The following ONECUT3 variants were observed in gnomAD, a reference collection of about 807,000 sequenced individuals.
The protein encoded by ONECUT3 is one cut homeobox 3, also known as one cut domain family member 3.
A neutral mutation model predicts 16.8 loss-of-function variants in ONECUT3; 11 were observed. The observed-to-expected ratio is 0.66, with a 90% CI of 0.41 to 1.09. The LOEUF (loss-of-function observed/expected upper bound fraction) is 1.09, where lower values mean the gene tolerates loss of function less well. Ranked by LOEUF, ONECUT3 falls within the 50% of genes least tolerant of loss-of-function variation. The probability of loss-of-function intolerance (pLI) is 0.00; values close to 1 mark genes in which losing one functional copy is unlikely to be tolerated. For synonymous variants in ONECUT3, 344 were observed against 310.7 expected, an observed-to-expected ratio of 1.11 and a Z score of -1.13; for missense variants, 637 against 629.9, an observed-to-expected ratio of 1.01 and a Z score of -0.12.
intron 1 of ONECUT3, among the ~76,000 whole-genome samples, chr19:1,760,568 T>G (rs1272656030): frequency 2.0e-5 from 3 of 151,622 alleles, no homozygotes; most frequent in Non-Finnish European, 4.4e-5. Flanking sequence ...CTTCCCCCTG[T>G]GCCCCAGCTC....
chr19:1,757,408 T>C (rs2067922210), intron 1 of ONECUT3, among the ~76,000 whole-genome samples: 1 of 152,224 alleles, frequency 6.6e-6, no homozygotes, highest in Non-Finnish European at 1.5e-5. Flanking sequence ...AAGGGAGAGT[T>C]AGAACAGTCG....
chr19:1,765,949 TCAC>T (rs1032630193), intron 1 of ONECUT3, among the ~76,000 whole-genome samples: 1 of 152,174 alleles, frequency 6.6e-6, no homozygotes, highest in African/African-American at 2.4e-5. Context: ...CCTACAGCTC[TCAC>T]GTCTCACGTC....
Position 1,765,683 on chromosome 19 carries a change from G to A in ONECUT3, c.1193-9470G>A, listed in dbSNP as rs371064120. Among the ~76,000 whole-genome samples, 75 of 152,308 alleles carry A rather than the reference G, an allele frequency of 4.9e-4. 2 individuals carry two copies. Among genetic ancestry groups the A allele is most frequent in the African/African-American group, 1.6e-3 (65 of 41,568 alleles). ...ATTCCTTCGTGACTCTCGGGACTGC[G>A]GCCCGGTGGGGACACAGGGCTCTGG... is the stretch of plus-strand genomic sequence containing the variant. On this transcript the variant is annotated intron_variant, in intron 1 of 1. Transcript: ENST00000382349.
Position 1,758,210 on chromosome 19 carries a change from C to T in ONECUT3, c.1192+3356C>T, listed in dbSNP as rs1486487163. Among the ~76,000 whole-genome samples the T allele has an allele frequency of 1.3e-5, 2 of 150,068 alleles. No homozygotes were observed. Among genetic ancestry groups the T allele is most frequent in the Non-Finnish European group, 3.0e-5 (2 of 67,752 alleles). ...AACCAGAGAGTGGGGAGGGAGAGAC[C>T]GGGAGCGGGAGAAACAGACGGGGAG... On this transcript the variant is annotated intron_variant, in intron 1 of 1. Coordinates refer to ENST00000382349, the MANE Select transcript of ONECUT3 (RefSeq NM_001080488.2). This position sits in a 1 kb window ranked among gnomAD's most constrained non-coding sequence, Gnocchi z 5.9.
chr19:1,762,541 G>T lies in ONECUT3; in HGVS notation c.1192+7687G>T, dbSNP rs2067951711. 6.6e-6 allele frequency among the ~76,000 whole-genome samples: 1 copy of T among 152,366 alleles called. No homozygotes were observed. The highest frequency in any genetic ancestry group is 1.5e-5 in the Non-Finnish European group (1 of 68,032). The stretch of plus-strand genomic sequence containing the variant: ...TGCGGAGTCGGGCTGGGGCCGCCGC[G>T]TTGCGCACATCGGTCCTTGGCGGGT... On this transcript the variant is annotated intron_variant, in intron 1 of 1. Coordinates refer to ENST00000382349, the MANE Select transcript of ONECUT3 (RefSeq NM_001080488.2). The surrounding 1 kb of genome is among the most constrained non-coding windows in gnomAD (Gnocchi z 4.4).
chr19:1,768,965 GAGGTAA>G (rs2068023444), intron 1 of ONECUT3, among the ~76,000 whole-genome samples: 1 of 151,870 alleles, frequency 6.6e-6, no homozygotes, highest in Non-Finnish European at 1.5e-5. Context: ...GCTGGAGGTG[GAGGTAA>G]TGGAGGTGGA....
intron 1 of ONECUT3, among the ~76,000 whole-genome samples, chr19:1,768,705 G>T (rs2068017067): frequency 6.6e-6 from 1 of 152,208 alleles, no homozygotes; most frequent in South Asian, 2.1e-4. Flanking sequence ...CCAGGATGGG[G>T]TTCAGCAGTG....
Position 1,764,239 on chromosome 19 carries a change from C to T in ONECUT3, c.1192+9385C>T, listed in dbSNP as rs1025052131. Among the ~76,000 whole-genome samples, 2 of 152,132 alleles carry T rather than the reference C, an allele frequency of 1.3e-5. No homozygotes were observed. The highest frequency in any genetic ancestry group is 4.8e-5 in the African/African-American group (2 of 41,432). On this transcript the variant is annotated intron_variant, in intron 1 of 1. Coordinates refer to ENST00000382349, the MANE Select transcript of ONECUT3 (RefSeq NM_001080488.2). The surrounding 1 kb of genome is among the most constrained non-coding windows in gnomAD (Gnocchi z 5.0). ...GGGTGGGTCTCTGTAGCTGAATGTCCGAGGGTGAGAGGTGCCCCCTGACAC... is the reference window on the plus strand; with the variant it reads ...GGGTGGGTCTCTGTAGCTGAATGTCTGAGGGTGAGAGGTGCCCCCTGACAC...
intron 1 of ONECUT3, 117 bp from the exon 2 acceptor site, chr19:1,775,036 G>T: frequency 1.6e-6 from 1 of 623,904 alleles, no homozygotes; most frequent in Non-Finnish European, 2.7e-6. Flanking sequence ...TTTCCCCAAC[G>T]TGTCCCTTCT....
At chr19:1,763,732 G>GTC (rs771371131) in intron 1 of ONECUT3, among the ~76,000 whole-genome samples, 1 of 134,542 alleles carries the variant, frequency 7.4e-6, no homozygotes, top group Non-Finnish European at 1.6e-5. Context: ...TCCCTTTTTT[G>GTC]TTTTTTTTTT....
chr19:1,768,472 G>A (rs376370271), intron 1 of ONECUT3, among the ~76,000 whole-genome samples: 5 of 152,122 alleles, frequency 3.3e-5, no homozygotes, highest in South Asian at 4.1e-4. Flanking sequence ...TGAAGGGGGC[G>A]CACTGTCTTT....
In ONECUT3 at chr19:1,775,664, G is replaced by T; in HGVS notation, c.*219G>T. The stretch of plus-strand genomic sequence containing the variant: ...CTCCCTCCATGCCCACTCCCTCCAG[G>T]CCAAAGGAAGCCCTCCACCCCCCCC... On this transcript the variant is annotated 3_prime_UTR_variant, in exon 2 of 2. Transcript: ENST00000382349. 1 of 426,250 alleles carries T rather than the reference G, an allele frequency of 2.3e-6. No homozygotes were observed. Among genetic ancestry groups the T allele is most frequent in the East Asian group, 4.2e-5 (1 of 23,816 alleles). The allele number at this position is 426,250 out of a possible 1,614,324, so 26.4% of individuals were successfully genotyped here. A position where few individuals can be genotyped will look rare whatever the true frequency, so the allele number is the denominator to read the frequency against.
In ONECUT3 at chr19:1,778,912, A is replaced by ACACC. The variant is rs1491103429; in HGVS notation, c.*3468_*3469insACCC. 1.7e-4 allele frequency: 22 copies of ACACC among 129,614 alleles called. No homozygotes were observed. Among genetic ancestry groups the ACACC allele is most frequent in the African/African-American group, 4.6e-4 (15 of 32,346 alleles). The allele number at this position is 129,614 out of a possible 1,614,324, so 8.0% of individuals were successfully genotyped here. On this transcript the variant is annotated 3_prime_UTR_variant, in exon 2 of 2. Transcript: ENST00000382349. ...CACACACACACACACACACACACAC[A>ACACC]CCCCTACCTGTTTCCGGACCCCACC...
At chr19:1,756,642 G>T (rs1341853516) in intron 1 of ONECUT3, among the ~76,000 whole-genome samples, 1 of 149,702 alleles carries the variant, frequency 6.7e-6, no homozygotes, top group Non-Finnish European at 1.5e-5. Flanking sequence ...CGATTCTTCC[G>T]CCTTAGCCTC....
At chr19:1,769,682 C>T (rs2068035840) in intron 1 of ONECUT3, among the ~76,000 whole-genome samples, 1 of 152,030 alleles carries the variant, frequency 6.6e-6, no homozygotes, top group African/African-American at 2.4e-5. Context: ...GGCCCCCCTA[C>T]TCCAACTCAC....
At chr19:1,765,364 C>A (rs1368838998) in intron 1 of ONECUT3, among the ~76,000 whole-genome samples, 2 of 152,188 alleles carry the variant, frequency 1.3e-5, no homozygotes, top group African/African-American at 2.4e-5. Flanking sequence ...GTCTTCTGGT[C>A]CATCCTCCCT....
At position 1,759,150 on chromosome 19, in the gene ONECUT3, A is replaced by C. The variant is rs2067933115; in HGVS notation, c.1192+4296A>C. On this transcript the variant is annotated intron_variant, in intron 1 of 1. Transcript: ENST00000382349. The surrounding 1 kb of genome is among the most constrained non-coding windows in gnomAD (Gnocchi z 4.1). ...ACGAAGTGTCCTAGGGACAAAAACC[A>C]GAGCTGTGTATGGAGTTGCATGCTG... Among the ~76,000 whole-genome samples the C allele has an allele frequency of 6.6e-6, 1 of 152,166 alleles. No individual in the cohort carries two copies. Among genetic ancestry groups the C allele is most frequent in the Non-Finnish European group, 1.5e-5 (1 of 68,036 alleles).
Position 1,754,137 on chromosome 19 carries a change from C to T in ONECUT3, c.475C>T (p.Arg159Cys). 2 of 1,056,620 alleles carry T rather than the reference C, an allele frequency of 1.9e-6. No individual in the cohort carries two copies. Among genetic ancestry groups the T allele is most frequent in the Non-Finnish European group, 2.3e-6 (2 of 878,460 alleles). The allele number at this position is 1,056,620 out of a possible 1,614,324, so 65.5% of individuals were successfully genotyped here. A position where few individuals can be genotyped will look rare whatever the true frequency, so the allele number is the denominator to read the frequency against. Reference protein sequence around the residue: ...AAPPPPPPPQRLAASVSGSFT... With the variant: ...AAPPPPPPPQCLAASVSGSFT... ...GCCGCCCCCGCCACCCCCGCCGCAG[C>T]GTCTGGCGGCCAGCGTGAGCGGCAG... is the stretch of plus-strand genomic sequence containing the variant. Residue 159 changes from arginine to cysteine, a missense_variant, in exon 1 of 2, where the codon CGT becomes TGT. Physicochemically the swap from Arg to Cys is radical, Grantham distance 180. Around this residue, in one of 3 missense-constraint regions of ONECUT3, gnomAD observed 419 missense variants for 377.9 expected, o/e 1.11. Transcript: ENST00000382349. This position sits in a 1 kb window ranked among gnomAD's most constrained non-coding sequence, Gnocchi z 7.4.
At chr19:1,769,763 C>G (rs552635616) in intron 1 of ONECUT3, among the ~76,000 whole-genome samples, 1 of 152,108 alleles carries the variant, frequency 6.6e-6, no homozygotes, top group African/African-American at 2.4e-5. Context: ...CCGACTGGAT[C>G]GATCTGGGCT....
Sources: gnomAD v4.1 joint callset for allele counts (sites outside exome capture counted in the v4.1 genomes callset) on GRCh38, gnomAD v4.1.1 for gene constraint, gnomAD v4.1.1 regional missense constraint, Gnocchi (gnomAD v3.1) non-coding constraint, MANE v1.5 for transcripts, NCBI Gene and HGNC (gene_info 2026-07-23, HGNC 2026-07-21) for gene names.